Variants in CSMD3 observed in about 807,000 individuals in gnomAD.
CSMD3 encodes CUB and sushi domain-containing protein 3.
Under a neutral mutation model 435.2 loss-of-function variants are expected in CSMD3, and 177 were observed. The observed-to-expected ratio is 0.41, with a 90% confidence interval of 0.36 to 0.46. The LOEUF is 0.46. Among genes scored for constraint, CSMD3 ranks in the 20% least tolerant of loss-of-function variants. CSMD3 has a pLI of 0.34. For missense variants in CSMD3, 4,265 were observed against 4,504.6 expected, an observed-to-expected ratio of 0.95 and a Z score of 1.52; for synonymous variants, 1,656 against 1,520.5, an observed-to-expected ratio of 1.09 and a Z score of -2.07.
chr8:112,809,714 A>G (rs1563982427), intron 12 of CSMD3, among the ~76,000 whole-genome samples: 1 of 152,130 alleles, frequency 6.6e-6, no homozygotes, highest in East Asian at 1.9e-4. Flanking sequence ...CACCCTAACT[A>G]AACTTTAGAA....
chr8:112,583,138 C>T (rs569449713), intron 23 of CSMD3, among the ~76,000 whole-genome samples: 10 of 151,838 alleles, frequency 6.6e-5, no homozygotes, highest in Middle Eastern at 3.4e-3. Flanking sequence ...TGATTGGTTC[C>T]GGAAGTGTGA....
intron 10 of CSMD3, among the ~76,000 whole-genome samples, chr8:112,860,363 GT>G (rs2080792822): frequency 6.6e-6 from 1 of 151,668 alleles, no homozygotes; most frequent in Admixed American, 6.6e-5. Flanking sequence ...GAGTGTGTGT[GT>G]ATAATTTCTG....
intron 3 of CSMD3, among the ~76,000 whole-genome samples, chr8:113,227,315 C>T (rs529150096): frequency 6.6e-5 from 10 of 151,656 alleles, no homozygotes; most frequent in African/African-American, 2.2e-4. Flanking sequence ...CATTCTAGGA[C>T]ATGTGCCTTA....
At position 112,573,187 on chromosome 8, in the gene CSMD3, A is replaced by T. The variant is rs537427271; in HGVS notation, c.4042+314T>A. 2.9e-4 allele frequency among the ~76,000 whole-genome samples: 44 copies of T among 152,194 alleles called. No individual in the cohort carries two copies. The South Asian group carries it at 5.4e-3, about 19-fold the overall frequency. ...CAAACATTGGATTTCCATCTAACAA[A>T]AGTTTCATTGTATTTCTTAAATACT... On this transcript the variant is annotated intron_variant, in intron 24 of 70. Transcript: ENST00000297405.
At chr8:112,829,865 A>G (rs887521944) in intron 11 of CSMD3, 76 bp from the exon 12 acceptor site, 13 of 756,920 alleles carry the variant, frequency 1.7e-5, no homozygotes, top group Non-Finnish European at 2.4e-5. Context: ...CAATGACAGA[A>G]ATGCATTCTT....
intron 5 of CSMD3, among the ~76,000 whole-genome samples, chr8:113,087,774 A>G (rs1427039031): frequency 2.0e-5 from 3 of 152,178 alleles, no homozygotes; most frequent in Non-Finnish European, 2.9e-5. Flanking sequence ...AACCTAGGCA[A>G]TACCATTCAG....
chr8:112,475,109 A>C (rs923921381), intron 31 of CSMD3, among the ~76,000 whole-genome samples: 1 of 152,152 alleles, frequency 6.6e-6, no homozygotes, highest in African/African-American at 2.4e-5. Flanking sequence ...CTCCAGAATT[A>C]AAATTATAAT....
chr8:113,376,916 T>G (rs2094387799), intron 1 of CSMD3: 1 of 1,512,908 alleles, frequency 6.6e-7, no homozygotes, highest in African/African-American at 1.4e-5. Context: ...GCCGTGGTTG[T>G]GGGGGCCATA....
intron 10 of CSMD3, among the ~76,000 whole-genome samples, chr8:112,862,554 A>G (rs1433986897): frequency 6.6e-6 from 1 of 152,026 alleles, no homozygotes; most frequent in Admixed American, 6.6e-5. Flanking sequence ...ACAGAGTTGC[A>G]GCAGTTCACA....
At chr8:112,314,793 A>C (rs182027033) in intron 47 of CSMD3, among the ~76,000 whole-genome samples, 176 bp from the exon 48 acceptor site, 1 of 152,052 alleles carries the variant, frequency 6.6e-6, no homozygotes, top group Admixed American at 6.6e-5. Flanking sequence ...TGGAGGAATG[A>C]CCTAAAAATT....
At chr8:112,983,767 GGGTTCATTATTAACA>G (rs1200807066) in intron 6 of CSMD3, among the ~76,000 whole-genome samples, 2 of 151,812 alleles carry the variant, frequency 1.3e-5, no homozygotes, top group Non-Finnish European at 2.9e-5. Context: ...TGGAAGAATA[GGGTTCATTATTAACA>G]GGTCTGGTGT....
intron 10 of CSMD3, among the ~76,000 whole-genome samples, chr8:112,876,633 C>T (rs773151677): frequency 1.5e-4 from 23 of 152,054 alleles, no homozygotes; most frequent in Middle Eastern, 3.2e-3. Context: ...AATTCAACAG[C>T]GCTTCATGCT....
At chr8:112,816,384 TA>T (rs1178618753) in intron 12 of CSMD3, among the ~76,000 whole-genome samples, 1 of 152,156 alleles carries the variant, frequency 6.6e-6, no homozygotes, top group Non-Finnish European at 1.5e-5. Flanking sequence ...CTTGTCTTAA[TA>T]ATTATAACAC....
chr8:112,893,349 T>C (rs1385915642), intron 10 of CSMD3, among the ~76,000 whole-genome samples: 1 of 151,496 alleles, frequency 6.6e-6, no homozygotes, highest in African/African-American at 2.4e-5. Context: ...AATTACCTGG[T>C]AAACCTTTTA....
chr8:112,476,341 C>T (rs771654208), intron 31 of CSMD3, among the ~76,000 whole-genome samples: 28 of 152,172 alleles, frequency 1.8e-4, no homozygotes, highest in East Asian at 7.8e-4. Context: ...CCACCACGCC[C>T]GGCCTAAATC....
At chr8:113,389,268 T>G (rs1161959630) in intron 1 of CSMD3, among the ~76,000 whole-genome samples, 1 of 151,576 alleles carries the variant, frequency 6.6e-6, no homozygotes, top group African/African-American at 2.4e-5. Context: ...CATAAGGAAA[T>G]TTATCCTCTT....
At chr8:112,909,040 T>G (rs950201407) in intron 10 of CSMD3, among the ~76,000 whole-genome samples, 2 of 151,486 alleles carry the variant, frequency 1.3e-5, no homozygotes, top group African/African-American at 2.4e-5. Context: ...TTTTTTTCCC[T>G]CAGAATTTAG....
At chr8:113,106,542 G>C (rs2090483008) in intron 4 of CSMD3, among the ~76,000 whole-genome samples, 1 of 152,162 alleles carries the variant, frequency 6.6e-6, no homozygotes, top group Non-Finnish European at 1.5e-5. Context: ...GGCAAGCATG[G>C]AAAACTATGG....
chr8:113,220,156 ACTG>A (rs1213620432), intron 3 of CSMD3, among the ~76,000 whole-genome samples: 2 of 151,452 alleles, frequency 1.3e-5, no homozygotes, highest in African/African-American at 4.8e-5. Flanking sequence ...ACTCTTACAA[ACTG>A]CAGGTGAAGA....
Sources: gnomAD v4.1 joint callset for allele counts (sites outside exome capture counted in the v4.1 genomes callset) on GRCh38, gnomAD v4.1.1 for gene constraint, MANE v1.5 for transcripts, NCBI Gene and HGNC (gene_info 2026-07-23, HGNC 2026-07-21) for gene names.